The following SNX25 variants were observed in gnomAD, a reference collection of about 807,000 sequenced individuals.
The protein encoded by SNX25 is sorting nexin-25.
In SNX25, 62 loss-of-function variants were observed where a neutral mutation model predicts 113.7. The ratio of observed to expected loss-of-function variants is 0.55; its 90% CI spans 0.44 to 0.67. The LOEUF (loss-of-function observed/expected upper bound fraction) is 0.67. Among genes scored for constraint, SNX25 ranks in the 30% least tolerant of loss-of-function variants. The pLI is 0.00. For synonymous variants in SNX25, 421 were observed against 436.2 expected (o/e 0.97, Z 0.43); for missense variants, 1,014 against 1,161.0 (o/e 0.87, Z 1.84).
At chr4:185,307,578 T>C (rs1754633596) in intron 6 of SNX25, among the ~76,000 whole-genome samples, 1 of 152,120 alleles carries the variant, frequency 6.6e-6, no homozygotes. Context: ...GCTCTCTACT[T>C]GGACAAAACT....
At chr4:185,279,997 T>C (rs1217069878) in intron 5 of SNX25, among the ~76,000 whole-genome samples, 1 of 152,142 alleles carries the variant, frequency 6.6e-6, no homozygotes, top group African/African-American at 2.4e-5. Context: ...CACAGCTCAC[T>C]GCAACCTTGA....
intron 1 of SNX25, among the ~76,000 whole-genome samples, chr4:185,230,517 C>T (rs908597717): frequency 1.3e-5 from 2 of 152,044 alleles, no homozygotes; most frequent in African/African-American, 2.4e-5. Context: ...CTCAGCCTCC[C>T]GAGTAGCTGG....
At chr4:185,312,510 C>A (rs557657832) in intron 7 of SNX25, among the ~76,000 whole-genome samples, 123 of 151,194 alleles carry the variant, frequency 8.1e-4, no homozygotes, top group Middle Eastern at 3.5e-3. Flanking sequence ...AGTGCCAGAT[C>A]ATTTTTGATT....
intron 11 of SNX25, 61 bp from the exon 12 acceptor site, chr4:185,341,908 TACAGATC>T: frequency 6.6e-7 from 1 of 1,513,034 alleles, no homozygotes; most frequent in Non-Finnish European, 8.9e-7. Context: ...GGGGGACACT[TACAGATC>T]TTCCTTCTGC....
intron 1 of SNX25, among the ~76,000 whole-genome samples, chr4:185,246,446 G>A (rs771921213): frequency 4.8e-4 from 73 of 152,200 alleles, no homozygotes; most frequent in Non-Finnish European, 8.8e-4. Flanking sequence ...GCAGTCTGAT[G>A]GTATCTCATT....
intron 5 of SNX25, among the ~76,000 whole-genome samples, chr4:185,280,305 A>G (rs1334295907): frequency 1.3e-5 from 2 of 152,250 alleles, no homozygotes; most frequent in Non-Finnish European, 2.9e-5. Flanking sequence ...GTATCTATAC[A>G]GTGGAATACC....
downstream of SNX25, chr4:185,370,873 A>G: frequency 6.4e-7 from 1 of 1,560,632 alleles, no homozygotes; most frequent in Non-Finnish European, 8.8e-7. Context: ...GTGTTTGTAA[A>G]ACGATGCGCC....
intron 6 of SNX25, among the ~76,000 whole-genome samples, chr4:185,291,664 A>G (rs1752188261): frequency 6.6e-6 from 1 of 152,148 alleles, no homozygotes; most frequent in African/African-American, 2.4e-5. Flanking sequence ...GTTGCTGGCA[A>G]TCCTTGGTGT....
At chr4:185,257,582 C>T (rs3108226) in intron 2 of SNX25, among the ~76,000 whole-genome samples, 98,961 of 151,982 alleles carry the variant, frequency 0.65, 32,398 homozygotes, top group East Asian at 0.75. Context: ...TAATGTTTTA[C>T]ATAATTTTGT....
chr4:185,303,154 G>C (rs999712846), intron 6 of SNX25, among the ~76,000 whole-genome samples: 1 of 152,140 alleles, frequency 6.6e-6, no homozygotes, highest in Non-Finnish European at 1.5e-5. Context: ...TTCGTCCTGG[G>C]CTCCTGCTCA....
At chr4:185,272,457 C>T (rs1160711490) in intron 5 of SNX25, among the ~76,000 whole-genome samples, 1 of 152,182 alleles carries the variant, frequency 6.6e-6, no homozygotes, top group Non-Finnish European at 1.5e-5. Flanking sequence ...ACATCCATTG[C>T]TGCCTGCATT....
intron 5 of SNX25, among the ~76,000 whole-genome samples, chr4:185,283,042 G>A (rs1350685500): frequency 6.6e-6 from 1 of 152,230 alleles, no homozygotes; most frequent in Admixed American, 6.5e-5. Flanking sequence ...TCCAGTAACA[G>A]TGAATTAAAC....
rs368932876 is a variant in SNX25 at position 185,346,598 on chromosome 4, T to C, written c.2249T>C (p.Ile750Thr). 1.4e-5 allele frequency: 22 copies of C among 1,594,090 alleles called. No homozygotes were observed. The African/African-American group carries it at 3.0e-4, about 22-fold the overall frequency. ...PSLSKLPFKS[I>T]DQKFMEKSKN... is the part of the protein sequence containing the mutation. ...CTTAGCAAGCTGCCTTTCAAATCTA[T>C]AGATCAAAAGTTTATGGAAAAGTCG... Residue 750 changes from isoleucine (I) to threonine (T), a missense_variant, in exon 13 of 19, where the codon ATA becomes ACA. Physicochemically the swap from Ile to Thr is moderately conservative, Grantham distance 89. Transcript: ENST00000652585.
At chr4:185,371,412 G>C (rs548536303), downstream of SNX25, among the ~76,000 whole-genome samples, 242 of 152,024 alleles carry the variant, frequency 1.6e-3, 1 homozygote, top group African/African-American at 5.6e-3. Flanking sequence ...CATGGTAGCG[G>C]GTGCCTGTAG....
At chr4:185,222,945 A>G (rs1347454859) in intron 1 of SNX25, among the ~76,000 whole-genome samples, 1 of 152,256 alleles carries the variant, frequency 6.6e-6, no homozygotes, top group Non-Finnish European at 1.5e-5. Context: ...TATGTAAAAT[A>G]AATAATATAA....
At chr4:185,289,124 A>T (rs1490420756) in intron 6 of SNX25, among the ~76,000 whole-genome samples, 1 of 152,230 alleles carries the variant, frequency 6.6e-6, no homozygotes. Context: ...CTGATTCCTC[A>T]GCTCAGCCTG....
At chr4:185,269,316 G>A (rs993194371) in intron 5 of SNX25, among the ~76,000 whole-genome samples, 1 of 152,070 alleles carries the variant, frequency 6.6e-6, no homozygotes. Flanking sequence ...ACCTATACTC[G>A]AATACTCATC....
At chr4:185,270,626 CAGAAT>C (rs10573695) in intron 5 of SNX25, among the ~76,000 whole-genome samples, 63,787 of 151,632 alleles carry the variant, frequency 0.42, 13,503 homozygotes, top group East Asian at 0.56. Context: ...TATGTAATTT[CAGAAT>C]ATTTTCATCA....
chr4:185,369,326 T>G (rs1234913900), intron 11 of SNX25, among the ~76,000 whole-genome samples: 1 of 149,384 alleles, frequency 6.7e-6, no homozygotes, highest in Non-Finnish European at 1.5e-5. Context: ...GAAGCAATTC[T>G]CCTGCCTCAG....
Sources: allele counts gnomAD v4.1 joint callset (sites outside exome capture counted in the v4.1 genomes callset), GRCh38; gene constraint gnomAD v4.1.1; transcripts MANE v1.5; gene names NCBI Gene and HGNC (gene_info 2026-07-23, HGNC 2026-07-21).